The following CFAP299 variants were observed in gnomAD, a reference collection of about 807,000 sequenced individuals.
The protein encoded by CFAP299 is cilia and flagella associated protein 299.
A neutral mutation model predicts 27.0 loss-of-function variants in CFAP299; 21 were observed. The ratio of observed to expected loss-of-function variants is 0.78; its 90% CI spans 0.55 to 1.12. The LOEUF is 1.12. CFAP299 is among the 50% of genes most tolerant of loss of function. The probability of loss-of-function intolerance (pLI) is 0.00; values close to 1 mark genes in which losing one functional copy is unlikely to be tolerated. For missense variants in CFAP299, 310 were observed against 276.6 expected (o/e 1.12, Z -0.86); for synonymous variants, 104 against 98.1 (o/e 1.06, Z -0.36).
intron 2 of CFAP299, among the ~76,000 whole-genome samples, chr4:80,484,109 T>A (rs1270076684): frequency 6.6e-6 from 1 of 152,154 alleles, no homozygotes; most frequent in Non-Finnish European, 1.5e-5. Flanking sequence ...TTTTCGTTTT[T>A]ACCCCTAAAG....
chr4:80,654,700 T>C (rs1310754423), intron 3 of CFAP299, among the ~76,000 whole-genome samples: 1 of 151,828 alleles, frequency 6.6e-6, no homozygotes, highest in Non-Finnish European at 1.5e-5. Flanking sequence ...TGCAATCTCC[T>C]GGGCTTAAAG....
At chr4:80,794,006 G>A (rs1253031292) in intron 3 of CFAP299, among the ~76,000 whole-genome samples, 2 of 152,128 alleles carry the variant, frequency 1.3e-5, no homozygotes, top group African/African-American at 4.8e-5. Flanking sequence ...TGTCTGGATT[G>A]GTCTGTTGTA....
At chr4:80,901,165 G>C (rs1273750315) in intron 4 of CFAP299, among the ~76,000 whole-genome samples, 1 of 152,158 alleles carries the variant, frequency 6.6e-6, no homozygotes. Context: ...AAGGTGCACA[G>C]GCGTTATGGA....
intron 3 of CFAP299, among the ~76,000 whole-genome samples, chr4:80,721,850 C>A (rs1023543758): frequency 6.6e-6 from 1 of 152,032 alleles, no homozygotes; most frequent in African/African-American, 2.4e-5. Flanking sequence ...GAATTCTTTA[C>A]CCAATAAAAT....
chr4:80,660,529 A>G (rs1414824207), intron 3 of CFAP299, among the ~76,000 whole-genome samples: 1 of 152,206 alleles, frequency 6.6e-6, no homozygotes, highest in African/African-American at 2.4e-5. Context: ...AAGTGTTTGC[A>G]GATCAAATGA....
At chr4:80,855,059 A>G (rs1315419548) in intron 3 of CFAP299, among the ~76,000 whole-genome samples, 1 of 152,146 alleles carries the variant, frequency 6.6e-6, no homozygotes, top group Non-Finnish European at 1.5e-5. Context: ...GGATTATTGG[A>G]TTGAATATGT....
intron 2 of CFAP299, among the ~76,000 whole-genome samples, chr4:80,471,057 G>T (rs1729968387): frequency 6.6e-6 from 1 of 151,324 alleles, no homozygotes; most frequent in Admixed American, 6.6e-5. Context: ...CTCGTACAGG[G>T]AGTTATTACT....
intron 3 of CFAP299, among the ~76,000 whole-genome samples, chr4:80,849,442 G>A (rs1337188353): frequency 6.6e-6 from 1 of 152,178 alleles, no homozygotes; most frequent in African/African-American, 2.4e-5. Context: ...AGAATTCCCT[G>A]AAATGATGGT....
intron 1 of CFAP299, among the ~76,000 whole-genome samples, chr4:80,340,132 G>A (rs1029453045): frequency 2.6e-5 from 4 of 152,160 alleles, no homozygotes; most frequent in African/African-American, 9.7e-5. Flanking sequence ...AAATATCCAA[G>A]TTTTCACTTT....
intron 1 of CFAP299, among the ~76,000 whole-genome samples, chr4:80,359,029 G>A (rs553819434): frequency 8.6e-5 from 13 of 152,046 alleles, no homozygotes; most frequent in Middle Eastern, 3.4e-3. Context: ...AACAAATTCC[G>A]TCAGCATCTG....
intron 1 of CFAP299, among the ~76,000 whole-genome samples, chr4:80,336,911 A>G (rs1189555674): frequency 6.6e-6 from 1 of 152,192 alleles, no homozygotes; most frequent in Non-Finnish European, 1.5e-5. Flanking sequence ...AGGTAACTGC[A>G]TTTTAGTGGA....
intron 3 of CFAP299, among the ~76,000 whole-genome samples, 173 bp from the exon 4 acceptor site, chr4:80,869,820 T>C (rs1294460707): frequency 6.6e-6 from 1 of 152,222 alleles, no homozygotes. Flanking sequence ...GAGTAACATG[T>C]GTTTTTAGGT....
intron 2 of CFAP299, among the ~76,000 whole-genome samples, chr4:80,488,266 C>T (rs1034957486): frequency 6.6e-6 from 1 of 152,072 alleles, no homozygotes; most frequent in Non-Finnish European, 1.5e-5. Context: ...GAGGAATCCC[C>T]AGAGGTTTTG....
chr4:80,889,673 A>G (rs748486065), intron 4 of CFAP299, among the ~76,000 whole-genome samples: 7 of 152,116 alleles, frequency 4.6e-5, no homozygotes, highest in Admixed American at 3.3e-4. Context: ...CATATCTAAA[A>G]TGGAAAACTG....
At chr4:80,668,334 C>A (rs1203530590) in intron 3 of CFAP299, among the ~76,000 whole-genome samples, 1 of 152,070 alleles carries the variant, frequency 6.6e-6, no homozygotes, top group African/African-American at 2.4e-5. Context: ...TCTATTGTTG[C>A]CTACTTTGCC....
intron 3 of CFAP299, among the ~76,000 whole-genome samples, chr4:80,707,931 G>A (rs562588552): frequency 6.6e-6 from 1 of 152,174 alleles, no homozygotes; most frequent in South Asian, 2.1e-4. Flanking sequence ...TTGGAGGAAG[G>A]AAAATTCAGG....
At chr4:80,780,398 A>T (rs1726802691) in intron 3 of CFAP299, among the ~76,000 whole-genome samples, 1 of 152,114 alleles carries the variant, frequency 6.6e-6, no homozygotes, top group Non-Finnish European at 1.5e-5. Context: ...AAGAAATCTT[A>T]GACAAAGTAC....
intron 3 of CFAP299, among the ~76,000 whole-genome samples, chr4:80,739,788 C>T (rs1724145932): frequency 6.6e-6 from 1 of 151,928 alleles, no homozygotes; most frequent in African/African-American, 2.4e-5. Context: ...ATCTCTTTCT[C>T]TCCTCATTAA....
chr4:80,588,443 C>A (rs1736556763), intron 3 of CFAP299, among the ~76,000 whole-genome samples: 1 of 150,786 alleles, frequency 6.6e-6, no homozygotes, highest in African/African-American at 2.5e-5. Flanking sequence ...CTTATGTAAG[C>A]AAAACATAAT....
Sources: gnomAD v4.1 joint callset for allele counts (sites outside exome capture counted in the v4.1 genomes callset) on GRCh38, gnomAD v4.1.1 for gene constraint, MANE v1.5 for transcripts, NCBI Gene and HGNC (gene_info 2026-07-23, HGNC 2026-07-21) for gene names.